Variants in SPAG16 observed in about 807,000 individuals in gnomAD.
The protein encoded by SPAG16 is sperm associated antigen 16, also known as sperm-associated antigen 16 protein.
A neutral mutation model predicts 80.4 loss-of-function variants in SPAG16; 86 were observed. The ratio of observed to expected loss-of-function variants is 1.07; its 90% CI spans 0.90 to 1.28. The LOEUF is 1.28. SPAG16 is among the 50% of genes most tolerant of loss of function. The pLI, the probability that SPAG16 is intolerant of heterozygous loss-of-function variation, is 0.00. For synonymous variants in SPAG16, 294 were observed against 265.9 expected, an observed-to-expected ratio of 1.11 and a Z score of -1.03; for missense variants, 870 against 765.3, an observed-to-expected ratio of 1.14 and a Z score of -1.61.
At chr2:213,841,743 A>T (rs2074374055) in intron 10 of SPAG16, among the ~76,000 whole-genome samples, 1 of 152,148 alleles carries the variant, frequency 6.6e-6, no homozygotes, top group Non-Finnish European at 1.5e-5. Flanking sequence ...ATCAAATTAT[A>T]CATGCATTAT....
intron 11 of SPAG16, among the ~76,000 whole-genome samples, chr2:213,898,920 A>G (rs1357668244): frequency 6.6e-6 from 1 of 152,140 alleles, no homozygotes; most frequent in African/African-American, 2.4e-5. Context: ...GAAAATAGCA[A>G]TTTGGAAATG....
chr2:213,467,495 G>C (rs920564221), intron 9 of SPAG16, among the ~76,000 whole-genome samples: 3 of 152,148 alleles, frequency 2.0e-5, no homozygotes, highest in African/African-American at 7.2e-5. Context: ...GCAAGTGAGT[G>C]GTTGGGAAAA....
At chr2:214,345,018 T>C (rs1178997508) in intron 15 of SPAG16, among the ~76,000 whole-genome samples, 1 of 152,172 alleles carries the variant, frequency 6.6e-6, no homozygotes, top group Non-Finnish European at 1.5e-5. Flanking sequence ...GCCTATTATA[T>C]TCCAGGCCAC....
intron 13 of SPAG16, among the ~76,000 whole-genome samples, chr2:214,076,995 G>A (rs1048256321): frequency 2.0e-5 from 3 of 152,120 alleles, no homozygotes; most frequent in African/African-American, 7.2e-5. Flanking sequence ...AGGCCGCCTG[G>A]AGGAGTGTGC....
intron 11 of SPAG16, among the ~76,000 whole-genome samples, chr2:213,881,676 C>T (rs1404424659): frequency 6.6e-6 from 1 of 152,182 alleles, no homozygotes; most frequent in Non-Finnish European, 1.5e-5. Context: ...CATCAGATCT[C>T]TTGTGAGAAC....
intron 9 of SPAG16, among the ~76,000 whole-genome samples, chr2:213,376,425 C>T (rs950937560): frequency 3.9e-5 from 6 of 151,942 alleles, no homozygotes. Context: ...TATGGTGTTG[C>T]ATTCTGATAT....
At chr2:214,137,149 G>A (rs2125520638) in intron 14 of SPAG16, among the ~76,000 whole-genome samples, 1 of 152,082 alleles carries the variant, frequency 6.6e-6, no homozygotes, top group Non-Finnish European at 1.5e-5. Context: ...TTTTTAAATT[G>A]AAAAGAACAA....
chr2:214,070,960 A>T (rs1038526227), intron 13 of SPAG16, among the ~76,000 whole-genome samples: 1 of 152,132 alleles, frequency 6.6e-6, no homozygotes, highest in Non-Finnish European at 1.5e-5. Context: ...TGAGTCAACT[A>T]AGAAATTCAA....
chr2:214,184,970 C>G (rs769901210), intron 15 of SPAG16, among the ~76,000 whole-genome samples: 9 of 151,512 alleles, frequency 5.9e-5, no homozygotes. Flanking sequence ...TTAGAATATT[C>G]TATGGATATA....
rs1197219339 is a variant in SPAG16 at position 213,375,024 on chromosome 2, G to A, written c.847G>A (p.Glu283Lys). ...GPQIKVDHSR[E>K]KENAPEGPTQ... ...TTATCTTGTAGTTGATCATAGTCGT[G>A]AAAAAGAAAATGCACCAGAAGGTCC... Residue 283 changes from glutamate (E) to lysine (K), a missense_variant, in exon 9 of 16, where the codon GAA (glutamate) becomes AAA (lysine). Transcript: ENST00000331683. 10 of 1,605,206 alleles carry A rather than the reference G, an allele frequency of 6.2e-6. No homozygotes were observed. Among genetic ancestry groups the A allele is most frequent in the South Asian group, 1.1e-5 (1 of 89,398 alleles).
intron 10 of SPAG16, 132 bp from the exon 11 acceptor site, chr2:213,862,353 A>T: frequency 3.6e-6 from 4 of 1,119,714 alleles, no homozygotes; most frequent in Non-Finnish European, 5.1e-6. Flanking sequence ...GCTTCCTCTT[A>T]TTTTGGGGCC....
At chr2:213,594,504 G>A (rs2060818839) in intron 10 of SPAG16, among the ~76,000 whole-genome samples, 2 of 152,088 alleles carry the variant, frequency 1.3e-5, no homozygotes, top group Admixed American at 1.3e-4. Context: ...ATTTTTGCGG[G>A]GAGAATGGGG....
At chr2:213,800,079 T>A (rs989723737) in intron 10 of SPAG16, among the ~76,000 whole-genome samples, 1 of 152,174 alleles carries the variant, frequency 6.6e-6, no homozygotes, top group Non-Finnish European at 1.5e-5. Flanking sequence ...CAGAATACTT[T>A]GACCTGTATA....
At chr2:213,293,011 C>G (rs986766428) in intron 1 of SPAG16, among the ~76,000 whole-genome samples, 1 of 152,114 alleles carries the variant, frequency 6.6e-6, no homozygotes, top group Admixed American at 6.5e-5. Context: ...CTAATCTCAC[C>G]TTGAATTGTA....
At chr2:213,598,481 A>C (rs2060953485) in intron 10 of SPAG16, among the ~76,000 whole-genome samples, 1 of 152,182 alleles carries the variant, frequency 6.6e-6, no homozygotes, top group Non-Finnish European at 1.5e-5. Context: ...TAGAGTGTAA[A>C]ATTTAGGGTA....
chr2:213,656,454 C>T (rs1273929643), intron 10 of SPAG16, among the ~76,000 whole-genome samples: 1 of 152,204 alleles, frequency 6.6e-6, no homozygotes, highest in Non-Finnish European at 1.5e-5. Context: ...CCACCGCACC[C>T]GGCCGATGTG....
chr2:213,552,693 T>A (rs569670890), intron 10 of SPAG16, among the ~76,000 whole-genome samples: 1 of 152,252 alleles, frequency 6.6e-6, no homozygotes, highest in South Asian at 2.1e-4. Context: ...TGGGTGTGTC[T>A]GTGAGGGTGT....
intron 15 of SPAG16, among the ~76,000 whole-genome samples, chr2:214,349,255 TG>T (rs1473345668): frequency 6.6e-6 from 1 of 152,182 alleles, no homozygotes; most frequent in Admixed American, 6.5e-5. Context: ...AAAGAAGGAA[TG>T]AAACTGTTAC....
intron 15 of SPAG16, among the ~76,000 whole-genome samples, chr2:214,230,020 CTAATA>C (rs1360853889): frequency 6.6e-6 from 1 of 151,694 alleles, no homozygotes; most frequent in East Asian, 1.9e-4. Flanking sequence ...AGGCAAACAC[CTAATA>C]TATTATAGCA....
Sources: gnomAD v4.1 joint callset for allele counts (sites outside exome capture counted in the v4.1 genomes callset) on GRCh38, gnomAD v4.1.1 for gene constraint, MANE v1.5 for transcripts, NCBI Gene and HGNC (gene_info 2026-07-23, HGNC 2026-07-21) for gene names.